VARS1: variants seen among roughly 807,000 people sequenced by gnomAD.
VARS1 encodes the protein valine--tRNA ligase.
In VARS1, 92 loss-of-function variants were observed where a neutral mutation model predicts 161.0. That is an observed-to-expected ratio of 0.57 (90% CI 0.48 to 0.68). VARS1 has a LOEUF of 0.68. VARS1 is among the 30% of genes least tolerant of loss of function. The pLI, the probability that VARS1 is intolerant of heterozygous loss-of-function variation, is 0.00. For synonymous variants in VARS1, 595 were observed against 682.5 expected, an observed-to-expected ratio of 0.87 and a Z score of 2.00; for missense variants, 1,338 against 1,695.9, an observed-to-expected ratio of 0.79 and a Z score of 3.71.
rs907643569 is a variant in VARS1 at position 31,780,581 on chromosome 6, T to C, written c.2798-13A>G. Reference sequence around the variant, plus strand: ...TTGATGTCACGACCTGGGTCGGGGGTGAGATGTGAGTCCTCATCACCCTCT... The same window carrying C: ...TTGATGTCACGACCTGGGTCGGGGGCGAGATGTGAGTCCTCATCACCCTCT... On this transcript the variant is annotated splice_polypyrimidine_tract_variant and intron_variant, in intron 24 of 29. Transcript: ENST00000375663. This position sits in a 1 kb window ranked among gnomAD's most constrained non-coding sequence, Gnocchi z 5.1. The C allele has an allele frequency of 6.2e-7, 1 of 1,612,034 alleles. No homozygotes were observed. Among genetic ancestry groups the C allele is most frequent in the African/African-American group, 1.3e-5 (1 of 74,740 alleles).
rs895262415 is a variant in VARS1, at chr6:31,782,524, C to G, written c.1991+6G>C. On this transcript the variant is annotated splice_donor_region_variant and intron_variant, in intron 16 of 29. Transcript: ENST00000375663. The surrounding 1 kb of genome is among the most constrained non-coding windows in gnomAD (Gnocchi z 8.3). ...TCTTCCTCCCGTCCCAGGCCCCCAC[C>G]CTCACTTGCAAAGTGGCACCACCAT... 6.2e-7 allele frequency: 1 copy of G among 1,612,888 alleles called. No individual in the cohort carries two copies. The highest frequency in any genetic ancestry group is 1.7e-5 in the Admixed American group (1 of 60,004).
rs61730576 is a variant in VARS1 at position 31,779,234 on chromosome 6, G to A, written c.3459C>T (p.Tyr1153=). Residue 1153 remains tyrosine, a synonymous_variant, in exon 29 of 30, where the codon TAC becomes TAT. Transcript: ENST00000375663. The surrounding 1 kb of genome is among the most constrained non-coding windows in gnomAD (Gnocchi z 9.1). ...CACCTGCGCTGGCCAGGGCCTGCAC[G>A]TAGCCCGACACCGCCGATGCCAGGG... ...TGALASAVSG[Y]VQALASAGVV... 5,953 of 1,606,126 alleles carry A rather than the reference G, an allele frequency of 3.7e-3. 39 individuals carry two copies. Among genetic ancestry groups the A allele is most frequent in the Middle Eastern group, 4.0e-3 (24 of 6,058 alleles).
intron 13 of VARS1, among the ~76,000 whole-genome samples, chr6:31,783,928 T>A (rs918258452): frequency 2.0e-5 from 3 of 152,184 alleles, no homozygotes; most frequent in Non-Finnish European, 2.9e-5. Context: ...CCCAAAGCGC[T>A]GGGATTACAG....
In VARS1 at chr6:31,781,985, G is replaced by T. The variant is rs756370926; in HGVS notation, c.2242-33C>A. ...AGGTGCAGTGATTACCCAAGGGGGT[G>T]TGTCTGCTTCTGGCTCACCCTGCCC... On this transcript the variant is annotated intron_variant, in intron 18 of 29. Transcript: ENST00000375663. The surrounding 1 kb of genome is among the most constrained non-coding windows in gnomAD (Gnocchi z 6.8). 2 of 1,613,054 alleles carry T rather than the reference G, an allele frequency of 1.2e-6. No individual in the cohort carries two copies. Among genetic ancestry groups the T allele is most frequent in the Non-Finnish European group, 1.7e-6 (2 of 1,179,906 alleles).
rs1331528732 is a variant in VARS1, at chr6:31,779,200, C to A, written c.3493G>T (p.Val1165Phe). Reference protein sequence around the residue: ...QALASAGVVAVLALGAPAPQG... With the variant: ...QALASAGVVAFLALGAPAPQG... ...GGGGCGGGAGCCCCCAGGGCCAGAA[C>A]AGCCACCACACCTGCGCTGGCCAGG... is the stretch of plus-strand genomic sequence containing the variant. The change falls in exon 29 of 30, where the codon GTT becomes TTT. Residue 1165 changes from valine to phenylalanine, a missense_variant. Around this residue, in one of 3 missense-constraint regions of VARS1, gnomAD observed 433 missense variants for 586.2 expected, o/e 0.74. Coordinates refer to ENST00000375663, the MANE Select transcript of VARS1 (RefSeq NM_006295.3). The surrounding 1 kb of genome is among the most constrained non-coding windows in gnomAD (Gnocchi z 9.1). 1.9e-6 allele frequency: 3 copies of A among 1,607,404 alleles called. No individual in the cohort carries two copies. Among genetic ancestry groups the A allele is most frequent in the Non-Finnish European group, 2.5e-6 (3 of 1,178,420 alleles).
intron 8 of VARS1, among the ~76,000 whole-genome samples, chr6:31,789,993 T>C (rs562105211): frequency 1.3e-5 from 2 of 151,680 alleles, no homozygotes; most frequent in African/African-American, 4.8e-5. Context: ...ACTGTGCCAC[T>C]GCACTCCAGC....
At position 31,779,446 on chromosome 6, in the gene VARS1, G is replaced by A; in HGVS notation, c.3379C>T (p.Leu1127Phe). ...AVRSLRADYN[L>F]TRIRPDCFLE... ...TCACAGTCAGGCCGGATCCGGGTGA[G>A]GTTGTAGTCGGCCCGCAGGGAGCGC... Residue 1127 changes from leucine to phenylalanine, a missense_variant, in exon 28 of 30, where the codon CTC becomes TTC. Around this residue, in one of 3 missense-constraint regions of VARS1, gnomAD observed 433 missense variants for 586.2 expected, o/e 0.74. Coordinates refer to ENST00000375663, the MANE Select transcript of VARS1 (RefSeq NM_006295.3). This position sits in a 1 kb window ranked among gnomAD's most constrained non-coding sequence, Gnocchi z 9.1. The A allele has an allele frequency of 6.2e-7, 1 of 1,612,386 alleles. No homozygotes were observed. The highest frequency in any genetic ancestry group is 8.5e-7 in the Non-Finnish European group (1 of 1,180,002).
Position 31,779,564 on chromosome 6 carries a change from G to T in VARS1, c.3289-28C>A. On this transcript the variant is annotated intron_variant, in intron 27 of 29. Coordinates refer to ENST00000375663, the MANE Select transcript of VARS1 (RefSeq NM_006295.3). The surrounding 1 kb of genome is among the most constrained non-coding windows in gnomAD (Gnocchi z 9.1). ...GTGGGGTGGAGGAGGGGGTGAGGGG[G>T]CCTGGAGGGCAGGTCAGACTCCCCT... 2 of 1,611,284 alleles carry T rather than the reference G, an allele frequency of 1.2e-6. No individual in the cohort carries two copies. The highest frequency in any genetic ancestry group is 1.7e-6 in the Non-Finnish European group (2 of 1,178,914).
Position 31,780,641 on chromosome 6 carries a change from G to A in VARS1, c.2797+64C>T. The A allele has an allele frequency of 6.2e-7, 1 of 1,612,852 alleles. No individual in the cohort carries two copies. Among genetic ancestry groups the A allele is most frequent in the Non-Finnish European group, 8.5e-7 (1 of 1,179,006 alleles). ...ATGCCCACCAGAGGCTCAGGGTGGA[G>A]AAGAGGGATGGGCCTCACAGAAGGA... On this transcript the variant is annotated intron_variant, in intron 24 of 29. Transcript: ENST00000375663. This position sits in a 1 kb window ranked among gnomAD's most constrained non-coding sequence, Gnocchi z 5.1.
chr6:31,785,290 C>T lies in VARS1; in HGVS notation c.1303G>A (p.Gly435Ser), dbSNP rs2151424956. The T allele has an allele frequency of 2.5e-6, 4 of 1,613,092 alleles. No homozygotes were observed. The highest frequency in any genetic ancestry group is 3.4e-6 in the Non-Finnish European group (4 of 1,180,030). ...GCTCGATCCCAGTCCAAGGAGCTGC[C>T]AAGCTTCTTCAACTGGTGGTAAATC... is the stretch of plus-strand genomic sequence containing the variant. ...DRIYHQLKKL[G>S]SSLDWDRACF... Residue 435 changes from glycine (G) to serine (S), a missense_variant, in exon 10 of 30, where the codon GGC (glycine) becomes AGC (serine). Around this residue, in one of 3 missense-constraint regions of VARS1, gnomAD observed 902 missense variants for 1,090.3 expected, o/e 0.83. Coordinates refer to ENST00000375663, the MANE Select transcript of VARS1 (RefSeq NM_006295.3). This position sits in a 1 kb window ranked among gnomAD's most constrained non-coding sequence, Gnocchi z 6.1.
Position 31,782,806 on chromosome 6 carries a change from T to C in VARS1, c.1802A>G (p.Tyr601Cys), listed in dbSNP as rs767158154. ...KITPAHDQNDYEVGQRHGLEA... is the reference protein window; with the variant it reads ...KITPAHDQNDCEVGQRHGLEA... ...CAGCCCGTGCCGCTGCCCAACTTCA[T>C]AGTCATTTTGGTCATGTGCGGGGGT... Residue 601 changes from tyrosine (Y) to cysteine (C), a missense_variant, in exon 15 of 30, where the codon TAT becomes TGT. Around this residue, in one of 3 missense-constraint regions of VARS1, gnomAD observed 902 missense variants for 1,090.3 expected, o/e 0.83. Coordinates refer to ENST00000375663, the MANE Select transcript of VARS1 (RefSeq NM_006295.3). The surrounding 1 kb of genome is among the most constrained non-coding windows in gnomAD (Gnocchi z 8.3). The C allele has an allele frequency of 6.2e-7, 1 of 1,612,946 alleles. No homozygotes were observed.
intron 2 of VARS1, among the ~76,000 whole-genome samples, chr6:31,794,108 A>G (rs1272516782): frequency 6.6e-6 from 1 of 151,484 alleles, no homozygotes; most frequent in African/African-American, 2.4e-5. Flanking sequence ...AAAAAAAAAA[A>G]AAAGAAAAGA....
At chr6:31,788,063 T>G (rs1813618863) in intron 8 of VARS1, among the ~76,000 whole-genome samples, 1 of 149,758 alleles carries the variant, frequency 6.7e-6, no homozygotes, top group African/African-American at 2.5e-5. Flanking sequence ...GAGCTTGCAG[T>G]GAGCAGAGAC....
In VARS1 at chr6:31,779,276, C is replaced by T. The variant is rs761105119; in HGVS notation, c.3417G>A (p.Ala1139=). Residue 1139 remains alanine (A), a synonymous_variant, in exon 29 of 30, where the codon GCG becomes GCA. Transcript: ENST00000375663. This position sits in a 1 kb window ranked among gnomAD's most constrained non-coding sequence, Gnocchi z 9.1. The stretch of plus-strand genomic sequence containing the variant: ...ATGCCAGGGCGCCCGTGGCCTCATC[C>T]GCCACTTCCAGGAAACCTGCCAGGG... ...RIRPDCFLEV[A]DEATGALASA... 331 of 1,603,170 alleles carry T rather than the reference C, an allele frequency of 2.1e-4. 2 individuals carry two copies. The highest frequency in any genetic ancestry group is 1.2e-3 in the African/African-American group (88 of 75,042).
Position 31,779,857 on chromosome 6 carries a change from C to T in VARS1, c.3082-43G>A. 1 of 1,608,862 alleles carries T rather than the reference C, an allele frequency of 6.2e-7. No individual in the cohort carries two copies. Among genetic ancestry groups the T allele is most frequent in the Non-Finnish European group, 8.5e-7 (1 of 1,177,460 alleles). On this transcript the variant is annotated intron_variant, in intron 26 of 29. Transcript: ENST00000375663. The surrounding 1 kb of genome is among the most constrained non-coding windows in gnomAD (Gnocchi z 9.1). ...CAGGGCTCACGGCTGGAGGTCTAGC[C>T]TTGAGCCCTCGCTGTGCCTGTGAGG...
chr6:31,792,394 C>A lies in VARS1; in HGVS notation c.784G>T (p.Glu262Ter). The A allele has an allele frequency of 6.2e-7, 1 of 1,614,030 alleles. No homozygotes were observed. Among genetic ancestry groups the A allele is most frequent in the Non-Finnish European group, 8.5e-7 (1 of 1,180,024 alleles). ...TTCCAGCTCCACCCTCGCCTCACCTCCCCTGGAGGTGGCTGCTGCTGTTGG... is the reference window on the plus strand; with the variant it reads ...TTCCAGCTCCACCCTCGCCTCACCTACCCTGGAGGTGGCTGCTGCTGTTGG... Reference protein sequence around the residue: ...KIQQQQPPPGEKKPKPEKREK... With the variant: ...KIQQQQPPPG The change falls in exon 5 of 30, where the codon GAG becomes TAG. Residue 262 changes from glutamate (E) to a stop codon, truncating the protein, a stop_gained and splice_region_variant. Transcript: ENST00000375663. LOFTEE classifies it high-confidence loss of function.
Position 31,789,413 on chromosome 6 carries a change from T to A in VARS1, c.1100+2197A>T, listed in dbSNP as rs114778939. ...AAGGTACAAAGTAAAACAACAGAGG[T>A]ATTTTTTTGCCCATCAGATTGGCAA... On this transcript the variant is annotated intron_variant, in intron 8 of 29. Coordinates refer to ENST00000375663, the MANE Select transcript of VARS1 (RefSeq NM_006295.3). Among the ~76,000 whole-genome samples, 1,444 of 152,118 alleles carry A rather than the reference T, an allele frequency of 9.5e-3. 30 individuals carry two copies. Among genetic ancestry groups the A allele is most frequent in the African/African-American group, 0.031 (1,296 of 41,486 alleles).
Position 31,791,821 on chromosome 6 carries a change from G to A in VARS1, c.972+50C>T, listed in dbSNP as rs983968694. ...CCCAGGCAACACATCCTTCAGTCCT[G>A]CCCTTCCCCACCCCACCCACTCTGG... On this transcript the variant is annotated intron_variant, in intron 7 of 29. Coordinates refer to ENST00000375663, the MANE Select transcript of VARS1 (RefSeq NM_006295.3). The surrounding 1 kb of genome is among the most constrained non-coding windows in gnomAD (Gnocchi z 5.0). 1.2e-5 allele frequency: 19 copies of A among 1,612,576 alleles called. No homozygotes were observed. The highest frequency in any genetic ancestry group is 1.6e-5 in the Non-Finnish European group (19 of 1,179,864).
Position 31,779,986 on chromosome 6 carries a change from G to T in VARS1, c.3081+12C>A. 6.2e-7 allele frequency: 1 copy of T among 1,613,670 alleles called. No homozygotes were observed. The highest frequency in any genetic ancestry group is 8.5e-7 in the Non-Finnish European group (1 of 1,179,932). ...CCCCCACCATCCCCTGCCCCGCTGT[G>T]CTCCTTCTCACCAAGTAGACATCAC... On this transcript the variant is annotated intron_variant, in intron 26 of 29. Coordinates refer to ENST00000375663, the MANE Select transcript of VARS1 (RefSeq NM_006295.3). The surrounding 1 kb of genome is among the most constrained non-coding windows in gnomAD (Gnocchi z 9.1).
Sources: gnomAD v4.1 joint callset for allele counts (sites outside exome capture counted in the v4.1 genomes callset) on GRCh38, gnomAD v4.1.1 for gene constraint, gnomAD v4.1.1 regional missense constraint, Gnocchi (gnomAD v3.1) non-coding constraint, MANE v1.5 for transcripts, NCBI Gene and HGNC (gene_info 2026-07-23, HGNC 2026-07-21) for gene names.